IGSF11: variants seen among roughly 807,000 people sequenced by gnomAD.
IGSF11 encodes the protein CXADR like 1.
A neutral mutation model predicts 41.0 loss-of-function variants in IGSF11; 22 were observed. That is an observed-to-expected ratio of 0.54 (90% CI 0.38 to 0.77). IGSF11 has a LOEUF of 0.77. IGSF11 is among the 30% of genes least tolerant of loss of function. The pLI is 0.00. For missense variants in IGSF11, 444 were observed against 530.8 expected, an observed-to-expected ratio of 0.84 and a Z score of 1.61; for synonymous variants, 219 against 201.3, an observed-to-expected ratio of 1.09 and a Z score of -0.74.
At chr3:119,145,810 T>C (rs2077716059) in intron 1 of IGSF11, 1 of 195,072 alleles carries the variant, frequency 5.1e-6, no homozygotes, top group Non-Finnish European at 1.1e-5. Context: ...AGAGGAGCAG[T>C]ACCTGAGAGA....
intron 1 of IGSF11, among the ~76,000 whole-genome samples, chr3:119,058,427 C>G (rs1225859234): frequency 6.6e-6 from 1 of 152,086 alleles, no homozygotes; most frequent in Non-Finnish European, 1.5e-5. Flanking sequence ...CAATGAGATA[C>G]CATCTCACAC....
intron 1 of IGSF11, among the ~76,000 whole-genome samples, chr3:119,052,621 A>G (rs1013222116): frequency 2.0e-5 from 3 of 152,106 alleles, no homozygotes; most frequent in Non-Finnish European, 2.9e-5. Flanking sequence ...AGAAAGAGGG[A>G]ATCCTCCCTA....
chr3:119,095,259 A>C lies in IGSF11; in HGVS notation c.49+9885T>G, dbSNP rs79649015. The stretch of plus-strand genomic sequence containing the variant: ...CTCCACACTAATAACCATAGACTAT[A>C]AAAAATCTTGCACAAAGAGAATATA... On this transcript the variant is annotated intron_variant, in intron 1 of 6. Transcript: ENST00000354673. Among the ~76,000 whole-genome samples, 335 of 152,268 alleles carry C rather than the reference A, an allele frequency of 2.2e-3. 3 individuals carry two copies. Among genetic ancestry groups the C allele is most frequent in the African/African-American group, 7.4e-3 (307 of 41,560 alleles).
At chr3:119,048,870 C>T (rs1200610046) in intron 1 of IGSF11, among the ~76,000 whole-genome samples, 1 of 152,084 alleles carries the variant, frequency 6.6e-6, no homozygotes, top group Non-Finnish European at 1.5e-5. Context: ...TGTAATCCAG[C>T]ATATAAACAG....
intron 1 of IGSF11, among the ~76,000 whole-genome samples, chr3:119,043,359 T>C (rs1462014889): frequency 6.6e-6 from 1 of 152,176 alleles, no homozygotes; most frequent in Admixed American, 6.5e-5. Flanking sequence ...CTTTACTACC[T>C]GATTAGTCGG....
intron 1 of IGSF11, among the ~76,000 whole-genome samples, chr3:119,015,582 AG>A (rs1234005365): frequency 6.6e-6 from 1 of 152,220 alleles, no homozygotes; most frequent in Non-Finnish European, 1.5e-5. Context: ...TTTAAGAGGC[AG>A]GAACTTGAGA....
intron 1 of IGSF11, among the ~76,000 whole-genome samples, chr3:118,992,469 T>C (rs1177573077): frequency 3.9e-5 from 6 of 152,246 alleles, no homozygotes; most frequent in South Asian, 2.1e-4. Context: ...CATTTGAATC[T>C]ACATTTTAAA....
intron 1 of IGSF11, among the ~76,000 whole-genome samples, chr3:118,962,904 T>C (rs1945438102): frequency 6.6e-6 from 1 of 152,100 alleles, no homozygotes; most frequent in South Asian, 2.1e-4. Flanking sequence ...CATCAATTTG[T>C]ATGTGTAAGT....
intron 1 of IGSF11, among the ~76,000 whole-genome samples, chr3:119,055,111 G>A (rs1288752955): frequency 6.6e-6 from 1 of 152,216 alleles, no homozygotes; most frequent in Non-Finnish European, 1.5e-5. Flanking sequence ...ACCTGCAGCT[G>A]AGGGTCGTGA....
At chr3:119,022,968 A>C (rs1335330372) in intron 1 of IGSF11, among the ~76,000 whole-genome samples, 2 of 152,216 alleles carry the variant, frequency 1.3e-5, no homozygotes, top group Non-Finnish European at 2.9e-5. Context: ...CTAGAAAAAA[A>C]AAAATGTCTT....
chr3:118,941,535 C>T (rs1190645737), intron 1 of IGSF11, among the ~76,000 whole-genome samples: 2 of 152,136 alleles, frequency 1.3e-5, no homozygotes, highest in East Asian at 3.8e-4. Context: ...AAATGTAGTA[C>T]AGTCATTTGG....
At chr3:119,051,849 G>A (rs571666983) in intron 1 of IGSF11, among the ~76,000 whole-genome samples, 2 of 152,170 alleles carry the variant, frequency 1.3e-5, no homozygotes, top group Admixed American at 1.3e-4. Context: ...ACAGATACAT[G>A]GAAATTAAAT....
At chr3:118,950,252 T>C (rs753995189) in intron 1 of IGSF11, among the ~76,000 whole-genome samples, 2 of 152,134 alleles carry the variant, frequency 1.3e-5, no homozygotes, top group African/African-American at 4.8e-5. Flanking sequence ...CTAACCTGAA[T>C]AGCCCTAAGG....
At chr3:119,032,710 T>C (rs1012096973) in intron 1 of IGSF11, among the ~76,000 whole-genome samples, 2 of 152,216 alleles carry the variant, frequency 1.3e-5, no homozygotes, top group East Asian at 1.9e-4. Context: ...AGATAAAAAG[T>C]AAACTTTTCC....
intron 4 of IGSF11, among the ~76,000 whole-genome samples, chr3:118,920,340 TTAAA>T (rs200987239): frequency 0.028 from 4,163 of 149,378 alleles, 88 homozygotes; most frequent in African/African-American, 0.066. Flanking sequence ...AATAAATAAA[TTAAA>T]TAAATAAATA....
intron 1 of IGSF11, among the ~76,000 whole-genome samples, chr3:119,025,133 G>T (rs1389598314): frequency 6.6e-6 from 1 of 152,030 alleles, no homozygotes; most frequent in Admixed American, 6.6e-5. Context: ...ATTGGGAGGG[G>T]GAGAGAGAGA....
At chr3:119,118,005 T>C (rs1385102298) in intron 1 of IGSF11, among the ~76,000 whole-genome samples, 1 of 152,258 alleles carries the variant, frequency 6.6e-6, no homozygotes, top group African/African-American at 2.4e-5. Context: ...TCTGCCCTTG[T>C]GGCTTTCCAG....
At chr3:118,904,205 C>A (rs1242110454) in intron 6 of IGSF11, among the ~76,000 whole-genome samples, 2 of 152,140 alleles carry the variant, frequency 1.3e-5, no homozygotes, top group African/African-American at 4.8e-5. Context: ...TTAAGATGTT[C>A]ATATTCTTGT....
chr3:119,056,533 T>C (rs1941842323), intron 1 of IGSF11, among the ~76,000 whole-genome samples: 1 of 152,224 alleles, frequency 6.6e-6, no homozygotes, highest in Non-Finnish European at 1.5e-5. Flanking sequence ...AGCCGAATTC[T>C]ACCAGAGGTA....
Sources: gnomAD v4.1 joint callset for allele counts (sites outside exome capture counted in the v4.1 genomes callset) on GRCh38, gnomAD v4.1.1 for gene constraint, MANE v1.5 for transcripts, NCBI Gene and HGNC (gene_info 2026-07-23, HGNC 2026-07-21) for gene names.